Variants in ERCC4 observed in about 807,000 individuals in gnomAD.
The protein encoded by ERCC4 is DNA repair endonuclease XPF.
ERCC4 carries 65 observed loss-of-function variants against 76.9 expected under a neutral mutation model. That is an observed-to-expected ratio of 0.84 (90% CI 0.69 to 1.04). The LOEUF (loss-of-function observed/expected upper bound fraction) is 1.04, where lower values mean the gene tolerates loss of function less well. Among genes scored for constraint, ERCC4 ranks in the 50% least tolerant of loss-of-function variants. The pLI is 0.00. For missense variants in ERCC4, 1,214 were observed against 1,128.2 expected (o/e 1.08, Z -1.09); for synonymous variants, 463 against 410.1 (o/e 1.13, Z -1.56).
intron 5 of ERCC4, 65 bp downstream of exon 5, chr16:13,930,955 G>A (rs1318119410): frequency 5.3e-6 from 6 of 1,139,882 alleles, no homozygotes; most frequent in Non-Finnish European, 7.9e-6. Context: ...GGTTTTAGGG[G>A]GAATCAGGTG....
rs1303581485 is a variant in ERCC4 at position 13,928,307 on chromosome 16, C to T, written c.792+72C>T. ...AGAATGCAAGTTATTTTAATATTTG[C>T]AATGTTGTTAATAGGAATTTGCTGT... On this transcript the variant is annotated intron_variant, in intron 4 of 10. Coordinates refer to ENST00000311895, the MANE Select transcript of ERCC4 (RefSeq NM_005236.3). The T allele has an allele frequency of 4.5e-6, 5 of 1,108,160 alleles. No homozygotes were observed. The African/African-American group carries it at 4.6e-5, about 10-fold the overall frequency. The allele number at this position is 1,108,160 out of a possible 1,614,324, so 68.6% of individuals were successfully genotyped here. A position where few individuals can be genotyped will look rare whatever the true frequency, so the allele number is the denominator to read the frequency against.
At chr16:13,936,983 C>T (rs192495877) in intron 8 of ERCC4, among the ~76,000 whole-genome samples, 2 of 149,730 alleles carry the variant, frequency 1.3e-5, no homozygotes, top group African/African-American at 4.9e-5. Context: ...GCAATCATGG[C>T]TCACTGCAGC....
chr16:13,931,755 T>C (rs1244914005), intron 5 of ERCC4: 3 of 184,056 alleles, frequency 1.6e-5, no homozygotes, highest in Non-Finnish European at 2.3e-5. Flanking sequence ...TACTTTCCAG[T>C]AAACCAAAGA....
In ERCC4 at chr16:13,949,491, T is replaced by A. The variant is rs2032590743; in HGVS notation, c.*1144T>A. ...ACCATCCTGTGCCAGGGTGGCTACT[T>A]CTCTCTGTGAGGACTCAAATACAAG... On this transcript the variant is annotated 3_prime_UTR_variant, in exon 11 of 11. Transcript: ENST00000311895. 4.3e-6 allele frequency: 1 copy of A among 233,060 alleles called. No individual in the cohort carries two copies. The highest frequency in any genetic ancestry group is 2.2e-5 in the African/African-American group (1 of 45,336). 14.4% of individuals were successfully genotyped at this position (233,060 alleles called of 1,614,324 possible). A position where few individuals can be genotyped will look rare whatever the true frequency, so the allele number is the denominator to read the frequency against.
intron 9 of ERCC4, 126 bp from the exon 10 acceptor site, chr16:13,944,597 T>C: frequency 1.4e-6 from 1 of 705,608 alleles, no homozygotes; most frequent in South Asian, 1.5e-5. Context: ...TATTCCTTGT[T>C]TTTGTTTTTG....
intron 9 of ERCC4, among the ~76,000 whole-genome samples, chr16:13,941,833 A>T (rs1041893796): frequency 6.6e-6 from 1 of 152,210 alleles, no homozygotes; most frequent in Non-Finnish European, 1.5e-5. Context: ...ATGGGCTAGC[A>T]TGAGGGCTTA....
intron 9 of ERCC4, among the ~76,000 whole-genome samples, chr16:13,942,463 C>T (rs371254198): frequency 8.5e-5 from 13 of 152,184 alleles, no homozygotes; most frequent in South Asian, 6.2e-4. Context: ...GATAATTAGA[C>T]GAAGAGATTA....
Position 13,950,675 on chromosome 16 carries a change from C to T in ERCC4, c.*2328C>T. 1 of 194,438 alleles carries T rather than the reference C, an allele frequency of 5.1e-6. No individual in the cohort carries two copies. Among genetic ancestry groups the T allele is most frequent in the East Asian group, 8.2e-5 (1 of 12,244 alleles). 12.0% of individuals were successfully genotyped at this position (194,438 alleles called of 1,614,324 possible). On this transcript the variant is annotated 3_prime_UTR_variant, in exon 11 of 11. Transcript: ENST00000311895. The stretch of plus-strand genomic sequence containing the variant: ...ATGATTATTATAATGTCTCTTCACC[C>T]TATTCTAGCACTTCTGCTTGCAGTA...
chr16:13,921,249 G>A (rs3136050), intron 1 of ERCC4, among the ~76,000 whole-genome samples: 1,983 of 152,282 alleles, frequency 0.013, 73 homozygotes, highest in Admixed American at 0.079. Flanking sequence ...GGGTCAGAAA[G>A]GGATTGGAGC....
At chr16:13,931,504 TGC>T (rs1164690216) in intron 5 of ERCC4, 1 of 156,712 alleles carries the variant, frequency 6.4e-6, no homozygotes, top group Non-Finnish European at 1.4e-5. Context: ...ATGCACTGAA[TGC>T]CAGTACACTT....
At position 13,928,181 on chromosome 16, in the gene ERCC4, G is replaced by A. The variant is rs146650135; in HGVS notation, c.738G>A (p.Ser246=). The A allele has an allele frequency of 7.9e-5, 128 of 1,613,702 alleles. 1 individual carries two copies. Among genetic ancestry groups the A allele is most frequent in the African/African-American group, 4.4e-4 (33 of 75,024 alleles). The change falls in exon 4 of 11, where the codon TCG becomes TCA. Residue 246 remains serine (S), a synonymous_variant. Coordinates refer to ENST00000311895, the MANE Select transcript of ERCC4 (RefSeq NM_005236.3). ...AGGAACTAAAATGCCATAACCCATC[G>A]CTTGAAGTGGAAGATTTATCTTTAG... The part of the protein sequence containing the change: ...CLKELKCHNP[S]LEVEDLSLEN...
intron 10 of ERCC4, among the ~76,000 whole-genome samples, chr16:13,946,291 C>G (rs1380237633): frequency 6.6e-6 from 1 of 152,222 alleles, no homozygotes; most frequent in Admixed American, 6.5e-5. Flanking sequence ...ATGAACATCA[C>G]AGAACGTGCT....
At position 13,948,582 on chromosome 16, in the gene ERCC4, T is replaced by C. The variant is rs1053810759; in HGVS notation, c.*235T>C. ...CACCGTCTATGCCGGGCTTAGCATG[T>C]TTCTTTTTAAATGAGGTTTGTCAGG... On this transcript the variant is annotated 3_prime_UTR_variant, in exon 11 of 11. Coordinates refer to ENST00000311895, the MANE Select transcript of ERCC4 (RefSeq NM_005236.3). The C allele has an allele frequency of 5.6e-5, 30 of 538,184 alleles. No individual in the cohort carries two copies. The highest frequency in any genetic ancestry group is 5.5e-4 in the African/African-American group (29 of 52,876). The allele number at this position is 538,184 out of a possible 1,614,324, so 33.3% of individuals were successfully genotyped here.
At position 13,935,504 on chromosome 16, in the gene ERCC4, C is replaced by T. The variant is rs2141607677; in HGVS notation, c.1572C>T (p.Ser524=). ...YRREISSSPE[S]CPEEIKHEEF... ...GAGAAATAAGCAGTAGCCCAGAAAG[C>T]TGCCCGGAAGAAATTAAGCATGAAG... Residue 524 remains serine (S), a synonymous_variant, in exon 8 of 11, where the codon AGC becomes AGT. Transcript: ENST00000311895. 1.2e-6 allele frequency: 2 copies of T among 1,614,130 alleles called. No homozygotes were observed. The highest frequency in any genetic ancestry group is 8.5e-7 in the Non-Finnish European group (1 of 1,180,016).
In ERCC4 at chr16:13,935,663, C is replaced by T. The variant is rs936672091; in HGVS notation, c.1731C>T (p.Tyr577=). 3 of 1,613,962 alleles carry T rather than the reference C, an allele frequency of 1.9e-6. No individual in the cohort carries two copies. Among genetic ancestry groups the T allele is most frequent in the Non-Finnish European group, 2.5e-6 (3 of 1,179,998 alleles). The change falls in exon 8 of 11, where the codon TAC becomes TAT. Residue 577 remains tyrosine (Y), a synonymous_variant. Coordinates refer to ENST00000311895, the MANE Select transcript of ERCC4 (RefSeq NM_005236.3). Reference sequence around the variant, plus strand: ...TACTACATGAAGTGGAGCCAAGATACGTGGTTCTTTATGACGCAGAGCTAA... The same window carrying T: ...TACTACATGAAGTGGAGCCAAGATATGTGGTTCTTTATGACGCAGAGCTAA... The part of the protein sequence containing the change: ...TRVLHEVEPR[Y]VVLYDAELTF...
chr16:13,932,428 CATGTA>C (rs1238455151), intron 6 of ERCC4, 143 bp downstream of exon 6: 6 of 730,106 alleles, frequency 8.2e-6, no homozygotes, highest in South Asian at 3.3e-5. Context: ...TTATATGTAA[CATGTA>C]ATGTATGTTG....
In ERCC4 at chr16:13,920,174, A is replaced by G; in HGVS notation, c.9A>G (p.Ser3=). 2.5e-6 allele frequency: 4 copies of G among 1,605,514 alleles called. No individual in the cohort carries two copies. Among genetic ancestry groups the G allele is most frequent in the Non-Finnish European group, 3.4e-6 (4 of 1,179,826 alleles). The change falls in exon 1 of 11, where the codon TCA becomes TCG. Residue 3 remains serine, a synonymous_variant. Coordinates refer to ENST00000311895, the MANE Select transcript of ERCC4 (RefSeq NM_005236.3). ME[S]GQPARRIAMA... is the part of the protein sequence containing the mutation. ...GACCCGGAAGAGCTTCCATGGAGTC[A>G]GGGCAGCCGGCTCGACGGATTGCCA...
At chr16:13,932,919 AC>A (rs1254884465) in intron 6 of ERCC4, 3 of 218,846 alleles carry the variant, frequency 1.4e-5, no homozygotes, top group Non-Finnish European at 2.8e-5. Context: ...GGTGGCGGGC[AC>A]CTGTAATCCC....
chr16:13,922,128 C>T lies in ERCC4; in HGVS notation c.305C>T (p.Thr102Ile), dbSNP rs144408815. 5 of 1,613,506 alleles carry T rather than the reference C, an allele frequency of 3.1e-6. No individual in the cohort carries two copies. The highest frequency in any genetic ancestry group is 1.6e-4 in the Middle Eastern group (1 of 6,062). ...ITSNSRYEVYTQGGVIFATSR... is the reference protein window; with the variant it reads ...ITSNSRYEVYIQGGVIFATSR... Reference sequence around the variant, plus strand: ...AGCAACAGTCGCTATGAAGTTTACACACAAGGTGGTGTTATATTTGCGACA... The same window carrying T: ...AGCAACAGTCGCTATGAAGTTTACATACAAGGTGGTGTTATATTTGCGACA... The change falls in exon 2 of 11, where the codon ACA becomes ATA. Residue 102 changes from threonine to isoleucine, a missense_variant. Physicochemically the swap from Thr to Ile is moderately conservative, Grantham distance 89. Transcript: ENST00000311895.
Sources: gnomAD v4.1 joint callset for allele counts (sites outside exome capture counted in the v4.1 genomes callset) on GRCh38, gnomAD v4.1.1 for gene constraint, MANE v1.5 for transcripts, NCBI Gene and HGNC (gene_info 2026-07-23, HGNC 2026-07-21) for gene names.